The following AVIL variants were observed in gnomAD, a reference collection of about 807,000 sequenced individuals.
AVIL encodes the protein advillin.
Under a neutral mutation model 109.9 loss-of-function variants are expected in AVIL, and 78 were observed. The ratio of observed to expected loss-of-function variants is 0.71; its 90% CI spans 0.59 to 0.86. The LOEUF (loss-of-function observed/expected upper bound fraction) is 0.86, where lower values mean the gene tolerates loss of function less well. Among genes scored for constraint, AVIL ranks in the 40% least tolerant of loss-of-function variants. AVIL has a pLI of 0.00. For missense variants in AVIL, 892 were observed against 1,016.5 expected (o/e 0.88, Z 1.67); for synonymous variants, 367 against 379.1 (o/e 0.97, Z 0.37).
chr12:57,816,106 T>A, intron 1 of AVIL, 47 bp from the exon 2 acceptor site: 2 of 1,500,592 alleles, frequency 1.3e-6, no homozygotes, highest in Non-Finnish European at 1.8e-6. Context: ...CTTGCCATAG[T>A]GGGCATCAAT....
intron 4 of AVIL, among the ~76,000 whole-genome samples, chr12:57,812,340 G>A (rs1333413253): frequency 6.6e-6 from 1 of 152,030 alleles, no homozygotes; most frequent in African/African-American, 2.4e-5. Context: ...AACCCATCCT[G>A]TTGTTTTGTG....
chr12:57,812,163 CT>C (rs977860723), intron 4 of AVIL, among the ~76,000 whole-genome samples: 2 of 152,144 alleles, frequency 1.3e-5, no homozygotes, highest in Non-Finnish European at 2.9e-5. Flanking sequence ...GTAGCTAGGA[CT>C]ATAGGAGTGC....
rs376165688 is a variant in AVIL at position 57,813,273 on chromosome 12, A to T, written c.292T>A (p.Tyr98Asn). ...GSPVQHREVQ[Y>N]HESDTFRGYF... The stretch of plus-strand genomic sequence containing the variant: ...CCACGGAAAGTGTCTGACTCATGGT[A>T]CTGGACCTCTCGGTGCTGCACAGGG... Residue 98 changes from tyrosine (Y) to asparagine (N), a missense_variant, in exon 4 of 20, where the codon TAC (tyrosine) becomes AAC (asparagine). Transcript: ENST00000549994. The T allele has an allele frequency of 7.4e-5, 119 of 1,613,628 alleles. No individual in the cohort carries two copies. Among genetic ancestry groups the T allele is most frequent in the Middle Eastern group, 1.6e-4 (1 of 6,084 alleles).
chr12:57,812,727 T>A (rs1956053098), intron 4 of AVIL, among the ~76,000 whole-genome samples: 1 of 152,214 alleles, frequency 6.6e-6, no homozygotes, highest in South Asian at 2.1e-4. Context: ...TTACTTTGTG[T>A]GCTAAGCACC....
intron 19 of AVIL, among the ~76,000 whole-genome samples, chr12:57,799,254 G>A (rs888114532): frequency 7.9e-5 from 12 of 152,206 alleles, no homozygotes; most frequent in Non-Finnish European, 1.5e-4. Context: ...ACTAGCAAGT[G>A]TAAAGGCTCA....
Position 57,809,646 on chromosome 12 carries a change from C to G in AVIL, c.890G>C (p.Gly297Ala). 6.2e-7 allele frequency: 1 copy of G among 1,614,204 alleles called. No homozygotes were observed. The highest frequency in any genetic ancestry group is 8.5e-7 in the Non-Finnish European group (1 of 1,180,044). The change falls in exon 9 of 20, where the codon GGA becomes GCA. Residue 297 changes from glycine to alanine, a missense_variant. Coordinates refer to ENST00000549994, the MANE Select transcript of AVIL (RefSeq NM_006576.4). ...TTTTTCAGCCTTTGTGGCTCCTTTT[C>G]CTTTCCACACGTAGATTTTGGTTCC... ...QSGTKIYVWK[G>A]KGATKAEKQA...
chr12:57,811,188 G>C, intron 4 of AVIL, 61 bp from the exon 5 acceptor site: 1 of 1,496,228 alleles, frequency 6.7e-7, no homozygotes, highest in Non-Finnish European at 9.3e-7. Context: ...TGGGGAGACA[G>C]TGGTGAATTA....
chr12:57,810,973 A>G, intron 5 of AVIL, 46 bp downstream of exon 5: 1 of 1,613,432 alleles, frequency 6.2e-7, no homozygotes, highest in South Asian at 1.1e-5. Flanking sequence ...CTTAGGTGCC[A>G]GGTGGAGAAG....
At chr12:57,802,084 A>C (rs1955859848) in intron 17 of AVIL, 76 bp downstream of exon 17, 2 of 1,504,204 alleles carry the variant, frequency 1.3e-6, no homozygotes, top group Non-Finnish European at 1.8e-6. Flanking sequence ...GTGAATCAGT[A>C]CTCCACCTTC....
At chr12:57,807,946 G>C (rs1595168200) in intron 11 of AVIL, 1 of 817,582 alleles carries the variant, frequency 1.2e-6, no homozygotes, top group African/African-American at 1.7e-5. Context: ...ATCATGGCTC[G>C]GTCTTTGCAA....
At chr12:57,810,612 T>C (rs1434421323) in intron 6 of AVIL, 61 bp from the exon 7 acceptor site, 5 of 1,585,322 alleles carry the variant, frequency 3.2e-6, no homozygotes, top group African/African-American at 1.3e-5. Context: ...CCTGATGTCT[T>C]TGGGGAGAAC....
intron 17 of AVIL, 73 bp downstream of exon 17, chr12:57,802,087 C>A: frequency 1.3e-6 from 2 of 1,528,074 alleles, no homozygotes; most frequent in Non-Finnish European, 1.8e-6. Flanking sequence ...AATCAGTACT[C>A]CACCTTCCTG....
At chr12:57,810,768 G>A (rs779285396) in intron 6 of AVIL, 48 bp downstream of exon 6, 1 of 1,575,748 alleles carries the variant, frequency 6.3e-7, no homozygotes, top group Non-Finnish European at 8.7e-7. Flanking sequence ...AGCATGGAGG[G>A]AAGAAGAAAG....
At chr12:57,803,942 TTTGA>T (rs1955900533) in intron 14 of AVIL, 4 of 355,834 alleles carry the variant, frequency 1.1e-5, no homozygotes, top group African/African-American at 4.2e-5. Context: ...GGCACCTACT[TTTGA>T]TTTTTATTTT....
At chr12:57,812,178 G>A (rs761202231) in intron 4 of AVIL, among the ~76,000 whole-genome samples, 9 of 152,120 alleles carry the variant, frequency 5.9e-5, no homozygotes, top group East Asian at 1.9e-4. Flanking sequence ...GGAGTGCACC[G>A]CCATGCCTGG....
At chr12:57,814,125 C>T (rs551196551) in intron 3 of AVIL, 27 bp downstream of exon 3, 14 of 1,610,948 alleles carry the variant, frequency 8.7e-6, no homozygotes, top group African/African-American at 2.7e-5. Flanking sequence ...GGGAGAGGCT[C>T]ACAGGAGTGG....
At chr12:57,800,005 AT>A in intron 18 of AVIL, 85 bp from the exon 19 acceptor site, 1 of 1,517,266 alleles carries the variant, frequency 6.6e-7, no homozygotes, top group South Asian at 1.2e-5. Flanking sequence ...AATATTTAAC[AT>A]TTTGACTTAT....
intron 14 of AVIL, chr12:57,805,770 T>G (rs1170378428): frequency 6.6e-6 from 1 of 150,920 alleles, no homozygotes; most frequent in African/African-American, 2.4e-5. Flanking sequence ...CTCCTGACCT[T>G]GTGATCCTCC....
intron 17 of AVIL, chr12:57,801,416 C>T (rs1358315350): frequency 2.3e-6 from 1 of 438,134 alleles, no homozygotes; most frequent in Non-Finnish European, 4.2e-6. Flanking sequence ...TTGATGGTAA[C>T]CCCTCAGTCC....
Sources: gnomAD v4.1 joint callset for allele counts (sites outside exome capture counted in the v4.1 genomes callset) on GRCh38, gnomAD v4.1.1 for gene constraint, MANE v1.5 for transcripts, NCBI Gene and HGNC (gene_info 2026-07-23, HGNC 2026-07-21) for gene names.